HS3ST3A1: variants seen among roughly 807,000 people sequenced by gnomAD.
The protein encoded by HS3ST3A1 is heparan sulfate glucosamine 3-O-sulfotransferase 3A1.
Under a neutral mutation model 25.7 loss-of-function variants are expected in HS3ST3A1, and 19 were observed. That is an observed-to-expected ratio of 0.74 (90% CI 0.52 to 1.08). The LOEUF (loss-of-function observed/expected upper bound fraction) is 1.08. HS3ST3A1 is among the 50% of genes least tolerant of loss of function. The probability of loss-of-function intolerance (pLI) is 0.00; values close to 1 mark genes in which losing one functional copy is unlikely to be tolerated. For missense variants in HS3ST3A1, 459 were observed against 594.3 expected (o/e 0.77, Z 2.37); for synonymous variants, 226 against 278.6 (o/e 0.81, Z 1.88).
chr17:13,504,989 G>A (rs1002587266), intron 1 of HS3ST3A1, among the ~76,000 whole-genome samples: 2 of 152,176 alleles, frequency 1.3e-5, no homozygotes, highest in South Asian at 2.1e-4. Flanking sequence ...TTTGGGTGAC[G>A]ACTTTCTCAG....
rs1407591391 is a variant in HS3ST3A1 at position 13,600,861 on chromosome 17, A to T, written c.269T>A (p.Leu90His). ...CCTCCGCCACTGCGGCAGTTGCAGG[A>T]GGCGCTTTCTCTGTGCCGCCGCCGG... is the stretch of plus-strand genomic sequence containing the variant. The part of the protein sequence containing the change: ...VWPAAAQRKR[L>H]LQLPQWRRRR... The change falls in exon 1 of 2, where the codon CTC becomes CAC. Residue 90 changes from leucine (L) to histidine (H), a missense_variant. Transcript: ENST00000284110. The T allele has an allele frequency of 2.8e-6, 4 of 1,446,454 alleles. No homozygotes were observed. The highest frequency in any genetic ancestry group is 3.6e-6 in the Non-Finnish European group (4 of 1,109,776). 89.6% of individuals were successfully genotyped at this position (1,446,454 alleles called of 1,614,324 possible).
At position 13,509,494 on chromosome 17, in the gene HS3ST3A1, A is replaced by T. The variant is rs544360635; in HGVS notation, c.600-12676T>A. ...TGTGTCCATAAAAATGATGACAAAT[A>T]CACAGCAGAAATAAAATGTAATTAA... is the stretch of plus-strand genomic sequence containing the variant. On this transcript the variant is annotated intron_variant, in intron 1 of 1. Coordinates refer to ENST00000284110, the MANE Select transcript of HS3ST3A1 (RefSeq NM_006042.3). Among the ~76,000 whole-genome samples, 24 of 152,356 alleles carry T rather than the reference A, an allele frequency of 1.6e-4. No individual in the cohort carries two copies. In the Middle Eastern group the frequency reaches 0.01, roughly 65 times the overall value.
At chr17:13,538,075 G>A (rs1406854975) in intron 1 of HS3ST3A1, among the ~76,000 whole-genome samples, 1 of 152,172 alleles carries the variant, frequency 6.6e-6, no homozygotes, top group African/African-American at 2.4e-5. Context: ...TATTTGGTCT[G>A]TCAGGGCTAC....
At chr17:13,515,418 C>A (rs994070239) in intron 1 of HS3ST3A1, among the ~76,000 whole-genome samples, 27 of 151,270 alleles carry the variant, frequency 1.8e-4, no homozygotes, top group African/African-American at 6.6e-4. Flanking sequence ...CCTTCGCCTC[C>A]CAAAGTGCTG....
intron 1 of HS3ST3A1, among the ~76,000 whole-genome samples, chr17:13,545,505 A>C (rs1343365693): frequency 6.6e-6 from 1 of 152,092 alleles, no homozygotes; most frequent in Non-Finnish European, 1.5e-5. Context: ...CTCTGCATGG[A>C]AGAGGTTTGT....
At chr17:13,577,668 G>GA (rs1335934673) in intron 1 of HS3ST3A1, among the ~76,000 whole-genome samples, 1 of 152,018 alleles carries the variant, frequency 6.6e-6, no homozygotes, top group Non-Finnish European at 1.5e-5. Flanking sequence ...TTTAGAAGAT[G>GA]AAAAAAACTC....
intron 1 of HS3ST3A1, among the ~76,000 whole-genome samples, chr17:13,595,222 A>C (rs1908543529): frequency 6.6e-6 from 1 of 152,188 alleles, no homozygotes; most frequent in Non-Finnish European, 1.5e-5. Flanking sequence ...TAAGGCAAAA[A>C]TTCAAGAGTT....
At chr17:13,575,037 G>GTC (rs10622404) in intron 1 of HS3ST3A1, among the ~76,000 whole-genome samples, 109,868 of 151,726 alleles carry the variant, frequency 0.72, 40,140 homozygotes, top group East Asian at 0.91. Context: ...TTTTTTCTCA[G>GTC]TCTCTCTGTT....
intron 1 of HS3ST3A1, among the ~76,000 whole-genome samples, chr17:13,539,119 C>T (rs1479874585): frequency 6.6e-6 from 1 of 152,134 alleles, no homozygotes; most frequent in Non-Finnish European, 1.5e-5. Context: ...GTCTGGGCCT[C>T]TCCTCAGCAG....
At chr17:13,537,839 G>T (rs78287217) in intron 1 of HS3ST3A1, among the ~76,000 whole-genome samples, 5,954 of 152,290 alleles carry the variant, frequency 0.039, 381 homozygotes, top group African/African-American at 0.13. Context: ...ACAGTTCACA[G>T]GTAGAAGGTT....
At position 13,601,442 on chromosome 17, in the gene HS3ST3A1, C is replaced by T. The variant is rs1393945974; in HGVS notation, c.-313G>A. The T allele has an allele frequency of 3.5e-6, 1 of 282,818 alleles. No individual in the cohort carries two copies. The highest frequency in any genetic ancestry group is 6.5e-6 in the Non-Finnish European group (1 of 153,124). The allele number at this position is 282,818 out of a possible 1,614,324, so 17.5% of individuals were successfully genotyped here. Reference sequence around the variant, plus strand: ...GGGCAGCCTTGGCCCCTCGGTTCCCCGCAAGAGTCGCCGGAATCGGGGTCT... The same window carrying T: ...GGGCAGCCTTGGCCCCTCGGTTCCCTGCAAGAGTCGCCGGAATCGGGGTCT... On this transcript the variant is annotated 5_prime_UTR_variant, in exon 1 of 2. Transcript: ENST00000284110.
chr17:13,500,413 T>C (rs34511714), intron 1 of HS3ST3A1, among the ~76,000 whole-genome samples: 9,325 of 152,152 alleles, frequency 0.061, 332 homozygotes, highest in Middle Eastern at 0.1. Context: ...GGGCCCGGGA[T>C]GGGTAGTGAA....
chr17:13,512,159 C>T (rs1055325265), intron 1 of HS3ST3A1, among the ~76,000 whole-genome samples: 1 of 151,846 alleles, frequency 6.6e-6, no homozygotes. Flanking sequence ...ATTAGCCGGG[C>T]GCGGTGGCGG....
intron 1 of HS3ST3A1, among the ~76,000 whole-genome samples, chr17:13,547,944 C>A (rs73978686): frequency 0.14 from 7,416 of 51,962 alleles, 246 homozygotes; most frequent in African/African-American, 0.2. Context: ...TGGTGTGAGC[C>A]AAAAAAAAAA....
chr17:13,558,390 A>G (rs1190737929), intron 1 of HS3ST3A1, among the ~76,000 whole-genome samples: 1 of 152,126 alleles, frequency 6.6e-6, no homozygotes, highest in Non-Finnish European at 1.5e-5. Context: ...TATATAAAGT[A>G]CTATGTACTT....
At position 13,496,276 on chromosome 17, in the gene HS3ST3A1, C is replaced by A; in HGVS notation, c.1142G>T (p.Arg381Leu). The change falls in exon 2 of 2, where the codon CGC becomes CTC. Residue 381 changes from arginine to leucine, a missense_variant. Coordinates refer to ENST00000284110, the MANE Select transcript of HS3ST3A1 (RefSeq NM_006042.3). ...AGGCCGGTAGAACTCGCGCAGCCTG[C>A]GCACCACCTCGCGGTCGATCTCAGG... ...THPEIDREVV[R>L]RLREFYRPFN... 5.9e-6 allele frequency: 9 copies of A among 1,537,238 alleles called. No homozygotes were observed. Among genetic ancestry groups the A allele is most frequent in the Non-Finnish European group, 7.8e-6 (9 of 1,146,622 alleles).
intron 1 of HS3ST3A1, among the ~76,000 whole-genome samples, chr17:13,528,023 G>A (rs1365737651): frequency 1.3e-5 from 2 of 152,094 alleles, no homozygotes; most frequent in African/African-American, 4.8e-5. Flanking sequence ...GTGCCTCCTG[G>A]GGTGGCCAGA....
intron 1 of HS3ST3A1, among the ~76,000 whole-genome samples, chr17:13,558,784 C>T (rs571574571): frequency 6.6e-6 from 1 of 152,130 alleles, no homozygotes; most frequent in South Asian, 2.1e-4. Context: ...AGAGTTGCAT[C>T]ATCAAATAAG....
At position 13,560,289 on chromosome 17, in the gene HS3ST3A1, CAAAAAAAAAA is replaced by C. The variant is rs10632927; in HGVS notation, c.599+40232_599+40241del. On this transcript the variant is annotated intron_variant, in intron 1 of 1. Coordinates refer to ENST00000284110, the MANE Select transcript of HS3ST3A1 (RefSeq NM_006042.3). ...TGGGCAACAGAGGGACACTCGTCTC[CAAAAAAAAAA>C]AAAAAAAAAAAAAAAAAAAAGTGTA... is the stretch of plus-strand genomic sequence containing the variant. Among the ~76,000 whole-genome samples the C allele has an allele frequency of 3.8e-3, 66 of 17,376 alleles. 1 individual carries two copies. Among genetic ancestry groups the C allele is most frequent in the South Asian group, 0.034 (10 of 292 alleles). The allele number at this position is 17,376 out of a possible 152,430, so 11.4% of individuals were successfully genotyped here.
Sources: allele counts gnomAD v4.1 joint callset (sites outside exome capture counted in the v4.1 genomes callset), GRCh38; gene constraint gnomAD v4.1.1; transcripts MANE v1.5; gene names NCBI Gene and HGNC (gene_info 2026-07-23, HGNC 2026-07-21).